The following GALNT3 variants were observed in gnomAD, a reference collection of about 807,000 sequenced individuals.
GALNT3 encodes GalNAc transferase 3.
A neutral mutation model predicts 69.8 loss-of-function variants in GALNT3; 51 were observed. That is an observed-to-expected ratio of 0.73 (90% CI 0.58 to 0.92). The LOEUF is 0.92. Among genes scored for constraint, GALNT3 ranks in the 40% least tolerant of loss-of-function variants. GALNT3 has a pLI of 0.00. For missense variants in GALNT3, 711 were observed against 760.0 expected (o/e 0.94, Z 0.76); for synonymous variants, 265 against 248.5 (o/e 1.07, Z -0.63).
intron 1 of GALNT3, among the ~76,000 whole-genome samples, chr2:165,793,231 T>A (rs1249547810): frequency 6.6e-6 from 1 of 151,994 alleles, no homozygotes; most frequent in Non-Finnish European, 1.5e-5. Context: ...AACCTTTGAG[T>A]CATATGCCAC....
Position 165,770,483 on chromosome 2 carries a change from A to G in GALNT3, c.218T>C (p.Ile73Thr). Residue 73 changes from isoleucine (I) to threonine (T), a missense_variant, in exon 2 of 11, where the codon ATT becomes ACT. Transcript: ENST00000392701. Reference sequence around the variant, plus strand: ...TTGCATTTTTGGCATGGCATCCTTAATATTGTTTACAGCTTCTAGCATTAA... The same window carrying G: ...TTGCATTTTTGGCATGGCATCCTTAGTATTGTTTACAGCTTCTAGCATTAA... ...LDLMLEAVNN[I>T]KDAMPKMQIG... 6.2e-7 allele frequency: 1 copy of G among 1,614,182 alleles called. No individual in the cohort carries two copies. The highest frequency in any genetic ancestry group is 8.5e-7 in the Non-Finnish European group (1 of 1,180,016).
chr2:165,785,511 A>G (rs1159538314), intron 1 of GALNT3, among the ~76,000 whole-genome samples: 1 of 152,238 alleles, frequency 6.6e-6, no homozygotes, highest in Non-Finnish European at 1.5e-5. Context: ...TGGAGTTCAC[A>G]AACAACTGCA....
chr2:165,748,974 T>G (rs1390557159), intron 10 of GALNT3, 71 bp from the exon 11 acceptor site: 1 of 1,479,792 alleles, frequency 6.8e-7, no homozygotes, highest in East Asian at 2.3e-5. Context: ...GAAAAAGATT[T>G]TATGGTTTCA....
intron 2 of GALNT3, 138 bp from the exon 3 acceptor site, chr2:165,765,194 A>G (rs1416494684): frequency 1.3e-6 from 1 of 774,410 alleles, no homozygotes; most frequent in Middle Eastern, 3.7e-4. Context: ...TATAATCTCA[A>G]TGCTATATAA....
chr2:165,761,290 C>A (rs1160194806), intron 4 of GALNT3, among the ~76,000 whole-genome samples: 1 of 152,178 alleles, frequency 6.6e-6, no homozygotes, highest in Non-Finnish European at 1.5e-5. Flanking sequence ...CAGCTCACTG[C>A]AACCTCTGCC....
At chr2:165,790,337 G>A (rs569794381) in intron 1 of GALNT3, among the ~76,000 whole-genome samples, 2 of 152,242 alleles carry the variant, frequency 1.3e-5, no homozygotes, top group Admixed American at 1.3e-4. Flanking sequence ...ATAAGTGAAT[G>A]TACTTTTGTC....
At chr2:165,764,547 G>C (rs932493376) in intron 3 of GALNT3, among the ~76,000 whole-genome samples, 3 of 152,138 alleles carry the variant, frequency 2.0e-5, no homozygotes, top group African/African-American at 7.2e-5. Context: ...TGAGTAACTT[G>C]CCCAAGTCAT....
intron 4 of GALNT3, among the ~76,000 whole-genome samples, chr2:165,761,587 CACT>C (rs1176814714): frequency 9.6e-5 from 13 of 135,406 alleles, no homozygotes; most frequent in Non-Finnish European, 1.3e-4. Flanking sequence ...AACAAACAAA[CACT>C]TTTTTTTTTA....
chr2:165,779,320 T>C (rs139905962), intron 1 of GALNT3, among the ~76,000 whole-genome samples: 37 of 152,294 alleles, frequency 2.4e-4, no homozygotes, highest in African/African-American at 8.9e-4. Context: ...AGCAGGCTAA[T>C]ACAGTAAATT....
intron 1 of GALNT3, among the ~76,000 whole-genome samples, chr2:165,772,122 T>C (rs966575307): frequency 6.6e-6 from 1 of 152,148 alleles, no homozygotes; most frequent in Non-Finnish European, 1.5e-5. Context: ...ATATAAGAAG[T>C]TATAGAACCA....
At position 165,761,989 on chromosome 2, in the gene GALNT3, T is replaced by G; in HGVS notation, c.754A>C (p.Arg252=). 6.2e-7 allele frequency: 1 copy of G among 1,610,168 alleles called. No homozygotes were observed. Among genetic ancestry groups the G allele is most frequent in the Non-Finnish European group, 8.5e-7 (1 of 1,176,394 alleles). ...GCAGTGATCAGACCTTTTCTTTCTC[T>G]TTGTCTGACTATTTTTACTATAGAA... is the stretch of plus-strand genomic sequence containing the variant. The part of the protein sequence containing the change: ...QFSIVKIVRQ[R]ERKGLITARL... Residue 252 remains arginine, a synonymous_variant, in exon 4 of 11, where the codon AGA becomes CGA. Coordinates refer to ENST00000392701, the MANE Select transcript of GALNT3 (RefSeq NM_004482.4).
Position 165,770,758 on chromosome 2 carries a change from A to G in GALNT3, c.-58T>C, listed in dbSNP as rs2105420464. On this transcript the variant is annotated 5_prime_UTR_variant, in exon 2 of 11. Transcript: ENST00000392701. ...ACAGTTATTTCTTCTTCTGTTACTT[A>G]TATTTTTTATCATAGATTTGCTGAG... The G allele has an allele frequency of 2.6e-6, 4 of 1,558,300 alleles. No individual in the cohort carries two copies. The highest frequency in any genetic ancestry group is 2.2e-5 in the East Asian group (1 of 44,562).
At chr2:165,788,466 G>GGTGC (rs1683272680) in intron 1 of GALNT3, among the ~76,000 whole-genome samples, 2 of 139,530 alleles carry the variant, frequency 1.4e-5, no homozygotes, top group African/African-American at 5.3e-5. Flanking sequence ...AATCCAAAAG[G>GGTGC]GTGTGTGTGT....
At chr2:165,786,669 T>C (rs1048401726) in intron 1 of GALNT3, among the ~76,000 whole-genome samples, 1 of 152,206 alleles carries the variant, frequency 6.6e-6, no homozygotes, top group Non-Finnish European at 1.5e-5. Flanking sequence ...TTTGAATCTA[T>C]GGACACAGAA....
chr2:165,783,754 T>G (rs1024518324), intron 1 of GALNT3, among the ~76,000 whole-genome samples: 2 of 152,198 alleles, frequency 1.3e-5, no homozygotes, highest in African/African-American at 4.8e-5. Flanking sequence ...TACTAACCCC[T>G]GCTCTAGAAA....
At chr2:165,782,333 G>A (rs1683126904) in intron 1 of GALNT3, among the ~76,000 whole-genome samples, 1 of 151,684 alleles carries the variant, frequency 6.6e-6, no homozygotes, top group South Asian at 2.1e-4. Context: ...GATTGTCTTG[G>A]GCCACACATA....
chr2:165,787,586 A>C (rs565363071), intron 1 of GALNT3, among the ~76,000 whole-genome samples: 1 of 152,230 alleles, frequency 6.6e-6, no homozygotes. Flanking sequence ...TGATAGAGAT[A>C]GGAATGAATA....
intron 1 of GALNT3, among the ~76,000 whole-genome samples, chr2:165,782,228 C>T (rs1481404315): frequency 1.3e-5 from 2 of 152,168 alleles, no homozygotes; most frequent in East Asian, 3.9e-4. Context: ...ATTCTAAAGC[C>T]TTCTACTCAG....
chr2:165,764,331 T>C (rs1412192012), intron 3 of GALNT3, among the ~76,000 whole-genome samples: 1 of 152,200 alleles, frequency 6.6e-6, no homozygotes, highest in Non-Finnish European at 1.5e-5. Flanking sequence ...TTAAAACAAC[T>C]CTAGAAATTA....
Sources: allele counts gnomAD v4.1 joint callset (sites outside exome capture counted in the v4.1 genomes callset), GRCh38; gene constraint gnomAD v4.1.1; transcripts MANE v1.5; gene names NCBI Gene and HGNC (gene_info 2026-07-23, HGNC 2026-07-21).